GNAL: variants seen among roughly 807,000 people sequenced by gnomAD.
GNAL encodes the protein guanine nucleotide-binding protein G(olf) subunit alpha.
Under a neutral mutation model 55.1 loss-of-function variants are expected in GNAL, and 18 were observed. That is an observed-to-expected ratio of 0.33 (90% CI 0.23 to 0.48). GNAL has a LOEUF of 0.48. GNAL is among the 20% of genes least tolerant of loss of function. The probability of loss-of-function intolerance (pLI) is 0.99; values close to 1 mark genes in which losing one functional copy is unlikely to be tolerated. For missense variants in GNAL, 412 were observed against 614.1 expected (o/e 0.67, Z 3.48); for synonymous variants, 253 against 237.0 (o/e 1.07, Z -0.62).
intron 4 of GNAL, among the ~76,000 whole-genome samples, chr18:11,761,875 C>G (rs2033255189): frequency 6.6e-6 from 1 of 152,154 alleles, no homozygotes; most frequent in Non-Finnish European, 1.5e-5. Context: ...TTAAAAAAGT[C>G]CTAGGAAAGA....
chr18:11,757,063 ACTTAT>A (rs913195140), intron 4 of GNAL, among the ~76,000 whole-genome samples: 7 of 152,190 alleles, frequency 4.6e-5, no homozygotes, highest in Admixed American at 3.9e-4. Flanking sequence ...GAGAAGAATA[ACTTAT>A]CTTAGAAACA....
intron 4 of GNAL, among the ~76,000 whole-genome samples, chr18:11,767,489 T>C (rs1030767094): frequency 6.6e-6 from 1 of 151,778 alleles, no homozygotes; most frequent in African/African-American, 2.4e-5. Flanking sequence ...CTCTTGCTGC[T>C]TGCATGCCTG....
At chr18:11,721,363 G>T (rs2032088364) in intron 1 of GNAL, among the ~76,000 whole-genome samples, 1 of 152,132 alleles carries the variant, frequency 6.6e-6, no homozygotes, top group South Asian at 2.1e-4. Context: ...ACCTTTTTCT[G>T]CTCCACAGAT....
chr18:11,832,861 A>AAAAT (rs1004859564), intron 5 of GNAL, among the ~76,000 whole-genome samples: 5 of 152,026 alleles, frequency 3.3e-5, no homozygotes, highest in African/African-American at 7.3e-5. Context: ...ACTCCATCTC[A>AAAAT]AAATAAATAA....
intron 5 of GNAL, among the ~76,000 whole-genome samples, chr18:11,844,184 A>G (rs1429694140): frequency 6.6e-6 from 1 of 152,152 alleles, no homozygotes; most frequent in Non-Finnish European, 1.5e-5. Context: ...CTGTAATCCC[A>G]GCACTTTGAG....
intron 4 of GNAL, among the ~76,000 whole-genome samples, chr18:11,778,632 G>A (rs1210399500): frequency 1.3e-5 from 2 of 152,142 alleles, no homozygotes; most frequent in African/African-American, 4.8e-5. Flanking sequence ...GAAGGCCCAT[G>A]CAGGCTCTGA....
intron 1 of GNAL, among the ~76,000 whole-genome samples, chr18:11,749,003 A>G (rs1188023002): frequency 6.6e-6 from 1 of 151,822 alleles, no homozygotes; most frequent in Non-Finnish European, 1.5e-5. Flanking sequence ...GCGGGTGCCT[A>G]TAATCCCAGC....
chr18:11,819,994 C>T (rs1011841002), intron 4 of GNAL, among the ~76,000 whole-genome samples: 3 of 151,952 alleles, frequency 2.0e-5, no homozygotes, highest in Non-Finnish European at 4.4e-5. Context: ...GCTTATATAC[C>T]ATTTTAACAA....
chr18:11,689,685 T>G lies in GNAL; in HGVS notation c.122T>G (p.Val41Gly). ...GCCCCGGCCCCGGCCCTGGCCCCAG[T>G]CCGGGCGGCCGCAAGGGACACGGCC... ...QPAPAPALAP[V>G]RAAARDTART... Residue 41 changes from valine (V) to glycine (G), a missense_variant, in exon 1 of 12, where the codon GTC (valine) becomes GGC (glycine). Coordinates refer to ENST00000334049, the MANE Select transcript of GNAL (RefSeq NM_182978.4). 2.7e-6 allele frequency: 4 copies of G among 1,459,696 alleles called. No individual in the cohort carries two copies. The highest frequency in any genetic ancestry group is 3.6e-6 in the Non-Finnish European group (4 of 1,111,422). The allele number at this position is 1,459,696 out of a possible 1,614,324, so 90.4% of individuals were successfully genotyped here. A position where few individuals can be genotyped will look rare whatever the true frequency, so the allele number is the denominator to read the frequency against.
intron 1 of GNAL, among the ~76,000 whole-genome samples, chr18:11,740,475 C>G (rs910944449): frequency 4.6e-5 from 7 of 152,272 alleles, no homozygotes; most frequent in African/African-American, 1.7e-4. Context: ...TGTAGATACA[C>G]AGGGACAAAC....
At position 11,881,361 on chromosome 18, in the gene GNAL, C is replaced by G. The variant is rs2036687106; in HGVS notation, c.*226C>G. On this transcript the variant is annotated 3_prime_UTR_variant, in exon 12 of 12. Coordinates refer to ENST00000334049, the MANE Select transcript of GNAL (RefSeq NM_182978.4). This position sits in a 1 kb window ranked among gnomAD's most constrained non-coding sequence, Gnocchi z 4.8. Reference sequence around the variant, plus strand: ...GCATCCCACCCCCAAACCACCGACTCTCATTGCCGACACTGCAGCAGAATC... The same window carrying G: ...GCATCCCACCCCCAAACCACCGACTGTCATTGCCGACACTGCAGCAGAATC... 2.2e-6 allele frequency: 1 copy of G among 450,960 alleles called. No individual in the cohort carries two copies. Among genetic ancestry groups the G allele is most frequent in the East Asian group, 3.3e-5 (1 of 30,216 alleles). The allele number at this position is 450,960 out of a possible 1,614,324, so 27.9% of individuals were successfully genotyped here. A position where few individuals can be genotyped will look rare whatever the true frequency, so the allele number is the denominator to read the frequency against.
intron 4 of GNAL, among the ~76,000 whole-genome samples, chr18:11,815,169 T>G (rs1479266601): frequency 6.6e-6 from 1 of 152,210 alleles, no homozygotes; most frequent in Non-Finnish European, 1.5e-5. Flanking sequence ...AAGTGATAGA[T>G]ATAGTAGTTA....
Position 11,752,299 on chromosome 18 carries a change from A to G in GNAL, c.377-554A>G. ...AGAAACGCCTGCTCTGAATCGGAAA[A>G]CACCGAAGAGACCAGACCATCTCTT... On this transcript the variant is annotated intron_variant, in intron 1 of 11. Coordinates refer to ENST00000334049, the MANE Select transcript of GNAL (RefSeq NM_182978.4). This position sits in a 1 kb window ranked among gnomAD's most constrained non-coding sequence, Gnocchi z 4.5. 6.9e-7 allele frequency: 1 copy of G among 1,448,536 alleles called. No individual in the cohort carries two copies. Among genetic ancestry groups the G allele is most frequent in the Non-Finnish European group, 9.1e-7 (1 of 1,104,360 alleles). The allele number at this position is 1,448,536 out of a possible 1,614,324, so 89.7% of individuals were successfully genotyped here.
rs1568009688 is a variant in GNAL at position 11,751,657 on chromosome 18, C to CG, written c.377-1196_377-1195insG. The CG allele has an allele frequency of 2.3e-5, 23 of 985,330 alleles. No individual in the cohort carries two copies. The highest frequency in any genetic ancestry group is 1.8e-4 in the Admixed American group (3 of 16,268). The allele number at this position is 985,330 out of a possible 1,614,324, so 61.0% of individuals were successfully genotyped here. A position where few individuals can be genotyped will look rare whatever the true frequency, so the allele number is the denominator to read the frequency against. On this transcript the variant is annotated intron_variant, in intron 1 of 11. Transcript: ENST00000334049. The surrounding 1 kb of genome is among the most constrained non-coding windows in gnomAD (Gnocchi z 4.5). ...CTCGGGGTGCAAGAGAGCCAGGCGG[C>CG]CGCGGCGCAGCGGAGGGGCTGCGGG... is the stretch of plus-strand genomic sequence containing the variant.
chr18:11,814,148 T>C (rs984855898), intron 4 of GNAL, among the ~76,000 whole-genome samples: 19 of 152,176 alleles, frequency 1.2e-4, no homozygotes, highest in Middle Eastern at 3.2e-3. Context: ...ATTTCTTTGA[T>C]AGAACACAAA....
In GNAL at chr18:11,885,550, TAGA is replaced by T. The variant is rs1392105857; in HGVS notation, c.*4418_*4420del. On this transcript the variant is annotated 3_prime_UTR_variant, in exon 12 of 12. Transcript: ENST00000334049. The stretch of plus-strand genomic sequence containing the variant: ...AAGGGGCAGTGTATGGAGCTACGTG[TAGA>T]AGGAGAGAAATTTGTGTGTGGCTTT... 8.6e-7 allele frequency: 1 copy of T among 1,165,668 alleles called. No individual in the cohort carries two copies. Among genetic ancestry groups the T allele is most frequent in the South Asian group, 1.5e-5 (1 of 68,524 alleles). 72.2% of individuals were successfully genotyped at this position (1,165,668 alleles called of 1,614,324 possible).
intron 4 of GNAL, among the ~76,000 whole-genome samples, chr18:11,757,949 C>T (rs191095410): frequency 9.9e-4 from 150 of 151,950 alleles, no homozygotes; most frequent in African/African-American, 3.4e-3. Context: ...GTGCAGGTGG[C>T]GGCGGCAGAT....
intron 4 of GNAL, among the ~76,000 whole-genome samples, chr18:11,761,851 A>G (rs187755662): frequency 2.0e-5 from 3 of 152,358 alleles, no homozygotes; most frequent in Non-Finnish European, 1.5e-5. Flanking sequence ...GTCCTAAGGC[A>G]TGTTCTCTGG....
At chr18:11,709,458 T>C in intron 1 of GNAL, among the ~76,000 whole-genome samples, 1 of 152,110 alleles carries the variant, frequency 6.6e-6, no homozygotes, top group Non-Finnish European at 1.5e-5. Context: ...TTTTTTTCCA[T>C]TTATTTGTAT....
Sources: allele counts gnomAD v4.1 joint callset (sites outside exome capture counted in the v4.1 genomes callset), GRCh38; gene constraint gnomAD v4.1.1; non-coding constraint Gnocchi (gnomAD v3.1); transcripts MANE v1.5; gene names NCBI Gene and HGNC (gene_info 2026-07-23, HGNC 2026-07-21).